SHISA9: variants seen among roughly 807,000 people sequenced by gnomAD.
SHISA9 encodes the protein protein shisa-9.
Under a neutral mutation model 38.0 loss-of-function variants are expected in SHISA9, and 13 were observed. The observed-to-expected ratio is 0.34, with a 90% CI of 0.22 to 0.54. The LOEUF is 0.54. Ranked by LOEUF, SHISA9 falls within the 20% of genes least tolerant of loss-of-function variation. The probability of loss-of-function intolerance (pLI) is 0.91; values close to 1 mark genes in which losing one functional copy is unlikely to be tolerated. For missense variants in SHISA9, 538 were observed against 575.8 expected (o/e 0.93, Z 0.67); for synonymous variants, 275 against 242.0 (o/e 1.14, Z -1.27).
At chr16:12,956,467 A>C (rs1413326144) in intron 2 of SHISA9, among the ~76,000 whole-genome samples, 1 of 152,216 alleles carries the variant, frequency 6.6e-6, no homozygotes, top group African/African-American at 2.4e-5. Context: ...CAATCATGGA[A>C]CCAACCTAAG....
the SHISA9 span, among the ~76,000 whole-genome samples, chr16:13,380,106 A>G: frequency 6.6e-6 from 1 of 152,164 alleles, no homozygotes; most frequent in Non-Finnish European, 1.5e-5. Context: ...AGATACATAC[A>G]TATGTTTAAT....
chr16:13,465,040 C>A, the SHISA9 span, among the ~76,000 whole-genome samples: 1 of 152,166 alleles, frequency 6.6e-6, no homozygotes, highest in East Asian at 1.9e-4. Flanking sequence ...TACTATTTGC[C>A]ATTAACCTTG....
chr16:13,392,748 A>T, the SHISA9 span, among the ~76,000 whole-genome samples: 4 of 152,246 alleles, frequency 2.6e-5, no homozygotes, highest in Non-Finnish European at 4.4e-5. Flanking sequence ...TGTACACAGA[A>T]ATATGCACAC....
the SHISA9 span, among the ~76,000 whole-genome samples, chr16:13,336,596 C>T: frequency 6.6e-6 from 1 of 152,158 alleles, no homozygotes; most frequent in Non-Finnish European, 1.5e-5. Flanking sequence ...GGAAATAACT[C>T]ATTTGAAAGA....
chr16:13,072,738 G>A (rs2073533193), intron 2 of SHISA9, among the ~76,000 whole-genome samples: 1 of 151,356 alleles, frequency 6.6e-6, no homozygotes, highest in Non-Finnish European at 1.5e-5. Flanking sequence ...TCAGCTCGCT[G>A]CAACCTCCAC....
At chr16:13,210,163 A>G (rs4781430) in intron 3 of SHISA9, among the ~76,000 whole-genome samples, 41,049 of 152,150 alleles carry the variant, frequency 0.27, 6,330 homozygotes, top group African/African-American at 0.42. Flanking sequence ...TGGTACTTCC[A>G]GAACTGGAAA....
the SHISA9 span, among the ~76,000 whole-genome samples, chr16:13,348,404 C>CTT: frequency 6.6e-6 from 1 of 151,986 alleles, no homozygotes; most frequent in African/African-American, 2.4e-5. Context: ...TTCTCACATA[C>CTT]TTTTACATGT....
the SHISA9 span, among the ~76,000 whole-genome samples, chr16:13,376,098 A>G: frequency 6.6e-6 from 1 of 152,234 alleles, no homozygotes; most frequent in Non-Finnish European, 1.5e-5. Flanking sequence ...TTCCCTAGAA[A>G]AAAGAGAGAA....
At chr16:13,157,391 G>C (rs2050556783) in intron 2 of SHISA9, among the ~76,000 whole-genome samples, 1 of 152,164 alleles carries the variant, frequency 6.6e-6, no homozygotes, top group Non-Finnish European at 1.5e-5. Context: ...CTCAGATTTT[G>C]GAACTTGAAT....
chr16:13,122,360 A>G (rs556007970), intron 2 of SHISA9, among the ~76,000 whole-genome samples: 1 of 152,292 alleles, frequency 6.6e-6, no homozygotes, highest in Non-Finnish European at 1.5e-5. Context: ...TCTGGCAAGC[A>G]GTTATCTTCA....
At chr16:13,481,537 C>T in the SHISA9 span, among the ~76,000 whole-genome samples, 1 of 152,188 alleles carries the variant, frequency 6.6e-6, no homozygotes. Flanking sequence ...CTCCTTTCTC[C>T]GTCTCACATT....
the SHISA9 span, among the ~76,000 whole-genome samples, chr16:13,383,775 G>C: frequency 7.9e-5 from 12 of 152,198 alleles, no homozygotes; most frequent in South Asian, 8.3e-4. Flanking sequence ...CTTGGGCTCC[G>C]AGTAGCTGGG....
the SHISA9 span, among the ~76,000 whole-genome samples, chr16:13,257,887 C>G: frequency 6.6e-6 from 1 of 152,096 alleles, no homozygotes; most frequent in African/African-American, 2.4e-5. Flanking sequence ...GTGACATAAA[C>G]CTGTGCTTTC....
chr16:13,382,331 C>T, the SHISA9 span, among the ~76,000 whole-genome samples: 1 of 149,086 alleles, frequency 6.7e-6, no homozygotes, highest in Admixed American at 6.7e-5. Flanking sequence ...AGTTCGAGAC[C>T]AGCCTGGCCA....
intron 2 of SHISA9, among the ~76,000 whole-genome samples, chr16:13,134,149 A>G (rs2050328060): frequency 6.6e-6 from 1 of 152,192 alleles, no homozygotes; most frequent in African/African-American, 2.4e-5. Context: ...GGGTAGTAGC[A>G]CCAGACTGCC....
At chr16:13,440,344 T>G in the SHISA9 span, among the ~76,000 whole-genome samples, 1 of 152,360 alleles carries the variant, frequency 6.6e-6, no homozygotes, top group Admixed American at 6.5e-5. Flanking sequence ...TCTCTTTGGC[T>G]TTAGGGAAGA....
At chr16:13,019,920 T>C (rs1286589265) in intron 2 of SHISA9, among the ~76,000 whole-genome samples, 12 of 88,580 alleles carry the variant, frequency 1.4e-4, no homozygotes, top group Non-Finnish European at 2.8e-4. Flanking sequence ...TCTTTCTTTC[T>C]TTCTTTCTTT....
chr16:13,007,310 T>C (rs2072610684), intron 2 of SHISA9, among the ~76,000 whole-genome samples: 1 of 152,150 alleles, frequency 6.6e-6, no homozygotes, highest in Non-Finnish European at 1.5e-5. Flanking sequence ...AAACCAGAGA[T>C]GGGGAACTCA....
At chr16:12,912,240 ACT>A (rs543122372) in intron 1 of SHISA9, among the ~76,000 whole-genome samples, 1 of 151,656 alleles carries the variant, frequency 6.6e-6, no homozygotes, top group Non-Finnish European at 1.5e-5. Flanking sequence ...GTCCCTAAAG[ACT>A]CTTCATTTCT....
Sources: allele counts gnomAD v4.1 joint callset (sites outside exome capture counted in the v4.1 genomes callset), GRCh38; gene constraint gnomAD v4.1.1; transcripts MANE v1.5; gene names NCBI Gene and HGNC (gene_info 2026-07-23, HGNC 2026-07-21).